The following CLVS1 variants were observed in gnomAD, a reference collection of about 807,000 sequenced individuals.
CLVS1 encodes clavesin 1, also known as clavesin-1.
CLVS1 carries 10 observed loss-of-function variants against 33.1 expected under a neutral mutation model. That is an observed-to-expected ratio of 0.30 (90% CI 0.19 to 0.51). CLVS1 has a LOEUF of 0.51. CLVS1 is among the 20% of genes least tolerant of loss of function. The probability of loss-of-function intolerance (pLI) is 0.97; values close to 1 mark genes in which losing one functional copy is unlikely to be tolerated. For synonymous variants in CLVS1, 163 were observed against 166.1 expected (o/e 0.98, Z 0.14); for missense variants, 343 against 433.4 (o/e 0.79, Z 1.85).
chr8:61,097,761 G>A (rs1156853568), intron 1 of CLVS1, among the ~76,000 whole-genome samples: 1 of 152,130 alleles, frequency 6.6e-6, no homozygotes, highest in Admixed American at 6.5e-5. Context: ...TAATTTGCAG[G>A]CTAACGACTA....
At chr8:61,211,757 T>C (rs978380220) in intron 2 of CLVS1, among the ~76,000 whole-genome samples, 5 of 152,230 alleles carry the variant, frequency 3.3e-5, no homozygotes, top group Admixed American at 6.5e-5. Flanking sequence ...TTATGGATCT[T>C]GAGCCAGGGA....
chr8:61,334,193 C>T (rs1258932990), intron 2 of CLVS1, among the ~76,000 whole-genome samples: 1 of 152,156 alleles, frequency 6.6e-6, no homozygotes, highest in Non-Finnish European at 1.5e-5. Flanking sequence ...GAGAGAGAGG[C>T]ATGATTGGAT....
At position 61,238,362 on chromosome 8, in the gene CLVS1, C is replaced by T. The variant is rs150064205; in HGVS notation, c.-151-61315C>T. Among the ~76,000 whole-genome samples, 20 of 152,066 alleles carry T rather than the reference C, an allele frequency of 1.3e-4. 1 individual carries two copies. The East Asian group carries it at 3.9e-3, about 29-fold the overall frequency. On this transcript the variant is annotated intron_variant, in intron 2 of 2. Transcript: ENST00000522621. ...CCTGCTTACTACCCTCCACTGTTCT[C>T]CTTTCTTTCTTCTGACTGTCCCTCT...
chr8:61,226,601 G>T (rs574932743), intron 2 of CLVS1, among the ~76,000 whole-genome samples: 123 of 152,308 alleles, frequency 8.1e-4, no homozygotes, highest in Non-Finnish European at 1.4e-3. Flanking sequence ...TTTTCTTGGA[G>T]CAGCATTTGT....
At chr8:61,074,144 C>T (rs1391621698) in intron 1 of CLVS1, among the ~76,000 whole-genome samples, 1 of 151,320 alleles carries the variant, frequency 6.6e-6, no homozygotes, top group Non-Finnish European at 1.5e-5. Context: ...TTGAGACCAG[C>T]CTGCACAACG....
intron 2 of CLVS1, among the ~76,000 whole-genome samples, chr8:61,265,681 CTGT>C (rs1563469101): frequency 6.6e-6 from 1 of 152,192 alleles, no homozygotes. Flanking sequence ...AATTCCTTCT[CTGT>C]TGAAGTCCTG....
chr8:61,472,726 A>G (rs979405208), intron 5 of CLVS1, among the ~76,000 whole-genome samples: 2 of 152,188 alleles, frequency 1.3e-5, no homozygotes, highest in Non-Finnish European at 2.9e-5. Flanking sequence ...ATAGAGGGCA[A>G]TTAAGAGAAC....
intron 2 of CLVS1, among the ~76,000 whole-genome samples, chr8:61,149,074 T>C (rs1806471113): frequency 6.6e-6 from 1 of 152,172 alleles, no homozygotes; most frequent in African/African-American, 2.4e-5. Context: ...GAAATTTTTT[T>C]TGGTTGTTTT....
At chr8:61,431,155 G>C (rs1816097262) in intron 3 of CLVS1, among the ~76,000 whole-genome samples, 1 of 152,140 alleles carries the variant, frequency 6.6e-6, no homozygotes, top group Non-Finnish European at 1.5e-5. Flanking sequence ...ACATAGAGAA[G>C]TCAGTAAGTC....
At chr8:61,405,655 T>C (rs371297531) in intron 3 of CLVS1, among the ~76,000 whole-genome samples, 2 of 151,660 alleles carry the variant, frequency 1.3e-5, no homozygotes, top group African/African-American at 4.8e-5. Flanking sequence ...AATTTAATAA[T>C]GTTACTGTGT....
chr8:61,112,985 C>A (rs2129288520), intron 1 of CLVS1, among the ~76,000 whole-genome samples: 1 of 152,274 alleles, frequency 6.6e-6, no homozygotes, highest in Non-Finnish European at 1.5e-5. Flanking sequence ...GAGGATATCT[C>A]CTCCCAACTA....
At chr8:61,350,577 A>C (rs1324968869) in intron 2 of CLVS1, among the ~76,000 whole-genome samples, 1 of 152,182 alleles carries the variant, frequency 6.6e-6, no homozygotes, top group Non-Finnish European at 1.5e-5. Context: ...ATCTTGTTAA[A>C]TGTACACACA....
At chr8:60,998,318 CT>C in the CLVS1 span, among the ~76,000 whole-genome samples, 1 of 152,228 alleles carries the variant, frequency 6.6e-6, no homozygotes, top group Non-Finnish European at 1.5e-5. Flanking sequence ...CCACTATCAT[CT>C]GCCACTTCAG....
chr8:61,091,880 G>A (rs188020743), intron 1 of CLVS1, among the ~76,000 whole-genome samples: 1 of 152,300 alleles, frequency 6.6e-6, no homozygotes, highest in East Asian at 1.9e-4. Flanking sequence ...GTTAAAACTT[G>A]TGAGGTGTGT....
intron 5 of CLVS1, among the ~76,000 whole-genome samples, chr8:61,474,270 A>T (rs925557223): frequency 2.0e-5 from 3 of 152,198 alleles, no homozygotes; most frequent in African/African-American, 7.2e-5. Flanking sequence ...GCTTCTGAGA[A>T]GCCAAGTAAG....
upstream of CLVS1, among the ~76,000 whole-genome samples, chr8:61,285,677 CA>C (rs1371835087): frequency 2.6e-5 from 4 of 152,136 alleles, no homozygotes; most frequent in Non-Finnish European, 2.9e-5. Context: ...GGTTTGAGTA[CA>C]GGGGGAGTGC....
intron 2 of CLVS1, among the ~76,000 whole-genome samples, chr8:61,266,634 A>G (rs1298307434): frequency 6.6e-6 from 1 of 152,186 alleles, no homozygotes; most frequent in Admixed American, 6.5e-5. Flanking sequence ...CCTGTAAAAG[A>G]AAAGCCCTTT....
At chr8:61,355,674 T>G (rs1812670342) in intron 2 of CLVS1, among the ~76,000 whole-genome samples, 1 of 152,192 alleles carries the variant, frequency 6.6e-6, no homozygotes, top group South Asian at 2.1e-4. Context: ...GTTTGCTTCT[T>G]GTTCTTGTGA....
chr8:61,232,022 G>GTTT (rs376185436), intron 2 of CLVS1, among the ~76,000 whole-genome samples: 5,580 of 116,640 alleles, frequency 0.048, 1,381 homozygotes, highest in East Asian at 0.19. Context: ...GGAAAGTTGT[G>GTTT]GTTTTTTTTT....
Sources: allele counts gnomAD v4.1 joint callset (sites outside exome capture counted in the v4.1 genomes callset), GRCh38; gene constraint gnomAD v4.1.1; transcripts MANE v1.5; gene names NCBI Gene and HGNC (gene_info 2026-07-23, HGNC 2026-07-21).